ABR: variants seen among roughly 807,000 people sequenced by gnomAD.
ABR encodes the protein ABR activator of RhoGEF and GTPase.
ABR carries 35 observed loss-of-function variants against 107.2 expected under a neutral mutation model. That is an observed-to-expected ratio of 0.33 (90% CI 0.25 to 0.43). The LOEUF (loss-of-function observed/expected upper bound fraction) is 0.43, where lower values mean the gene tolerates loss of function less well. Ranked by LOEUF, ABR falls within the 20% of genes least tolerant of loss-of-function variation. The pLI, the probability that ABR is intolerant of heterozygous loss-of-function variation, is 1.00. For synonymous variants in ABR, 498 were observed against 462.0 expected, an observed-to-expected ratio of 1.08 and a Z score of -1.00; for missense variants, 815 against 1,115.2, an observed-to-expected ratio of 0.73 and a Z score of 3.83.
intron 3 of ABR, among the ~76,000 whole-genome samples, chr17:1,095,630 T>G (rs7210584): frequency 0.24 from 35,882 of 151,946 alleles, 4,458 homozygotes; most frequent in Middle Eastern, 0.3. Context: ...GGCTCTCCAT[T>G]TCACCACTCG....
chr17:1,151,126 T>A (rs1383966276), intron 1 of ABR, among the ~76,000 whole-genome samples: 1 of 152,086 alleles, frequency 6.6e-6, no homozygotes, highest in Non-Finnish European at 1.5e-5. Context: ...ACCTTCAACA[T>A]GGAGTAACAG....
chr17:1,021,719 G>C (rs990408666), intron 16 of ABR, among the ~76,000 whole-genome samples: 1 of 151,704 alleles, frequency 6.6e-6, no homozygotes, highest in Non-Finnish European at 1.5e-5. Flanking sequence ...CAGGAGAATC[G>C]CTTGAACCCG....
At chr17:1,176,885 A>AAAAG (rs1010133381) in intron 1 of ABR, among the ~76,000 whole-genome samples, 1 of 150,762 alleles carries the variant, frequency 6.6e-6, no homozygotes, top group Admixed American at 6.6e-5. Context: ...AAAAAAAGAA[A>AAAAG]AAAGAAAGAA....
chr17:1,160,181 G>A (rs1032839072), intron 1 of ABR, among the ~76,000 whole-genome samples: 4 of 151,966 alleles, frequency 2.6e-5, no homozygotes, highest in Non-Finnish European at 5.9e-5. Flanking sequence ...TTGAACCCAG[G>A]AGGTGGAGGC....
chr17:1,144,499 C>T (rs537620757), intron 1 of ABR, among the ~76,000 whole-genome samples: 13 of 151,952 alleles, frequency 8.6e-5, no homozygotes, highest in African/African-American at 2.9e-4. Flanking sequence ...AGCTGCCCTG[C>T]GCAGTTCACA....
chr17:1,031,537 CCCCGAGCCCCGCAGCGCCCCCG>C, intron 16 of ABR: 1 of 431,298 alleles, frequency 2.3e-6, no homozygotes, highest in Non-Finnish European at 3.7e-6. Flanking sequence ...CCCCGCAGCC[CCCCGAGCCCCGCAGCGCCCCCG>C]AGCCCCCACC....
At chr17:1,019,386 C>A (rs1484067860) in intron 16 of ABR, among the ~76,000 whole-genome samples, 2 of 152,262 alleles carry the variant, frequency 1.3e-5, no homozygotes, top group African/African-American at 4.8e-5. Context: ...TGAGGCCAGG[C>A]CTGGGCCAGG....
At chr17:1,161,450 T>A (rs1193573686) in intron 1 of ABR, among the ~76,000 whole-genome samples, 1 of 152,018 alleles carries the variant, frequency 6.6e-6, no homozygotes, top group African/African-American at 2.4e-5. Flanking sequence ...CTTGATATGT[T>A]GCCCGGACTG....
chr17:1,215,548 G>T (rs911992390), intron 1 of ABR, among the ~76,000 whole-genome samples: 70 of 152,270 alleles, frequency 4.6e-4, no homozygotes, highest in African/African-American at 7.0e-4. Flanking sequence ...GTGCTCAATG[G>T]TGCCCAGGCT....
intron 1 of ABR, among the ~76,000 whole-genome samples, chr17:1,178,719 G>C (rs1167853122): frequency 6.6e-6 from 1 of 152,102 alleles, no homozygotes; most frequent in East Asian, 1.9e-4. Context: ...ACGTGGGCCA[G>C]GAAGGGCGAA....
intron 2 of ABR, among the ~76,000 whole-genome samples, chr17:1,110,081 G>A (rs541346896): frequency 6.7e-6 from 1 of 149,588 alleles, no homozygotes; most frequent in African/African-American, 2.5e-5. Flanking sequence ...CCCCACCGCA[G>A]GGAGCCATCC....
At chr17:1,160,497 G>A (rs146352600) in intron 1 of ABR, among the ~76,000 whole-genome samples, 6 of 152,284 alleles carry the variant, frequency 3.9e-5, no homozygotes, top group Non-Finnish European at 7.4e-5. Context: ...ACTCTAAGGA[G>A]AACTGAATCC....
chr17:1,005,239 A>T lies in ABR; in HGVS notation c.*841T>A, dbSNP rs2069934396. 2.5e-6 allele frequency: 1 copy of T among 398,630 alleles called. No individual in the cohort carries two copies. Among genetic ancestry groups the T allele is most frequent in the Non-Finnish European group, 4.4e-6 (1 of 226,066 alleles). The allele number at this position is 398,630 out of a possible 1,614,324, so 24.7% of individuals were successfully genotyped here. A position where few individuals can be genotyped will look rare whatever the true frequency, so the allele number is the denominator to read the frequency against. Reference sequence around the variant, plus strand: ...CTCAAAGGAAATAGAACAGCAGGGAAGGGAACTGAAAAGCAGTAGAAGAAA... The same window carrying T: ...CTCAAAGGAAATAGAACAGCAGGGATGGGAACTGAAAAGCAGTAGAAGAAA... On this transcript the variant is annotated 3_prime_UTR_variant, in exon 23 of 23. Transcript: ENST00000302538.
At chr17:1,018,346 C>A (rs11658718) in intron 16 of ABR, among the ~76,000 whole-genome samples, 1 of 152,182 alleles carries the variant, frequency 6.6e-6, no homozygotes, top group Non-Finnish European at 1.5e-5. Flanking sequence ...CTGGCCCGGG[C>A]CCTTATTTTT....
At chr17:1,058,719 T>A in intron 11 of ABR, 26 bp downstream of exon 11, 1 of 1,612,820 alleles carries the variant, frequency 6.2e-7, no homozygotes, top group Non-Finnish European at 8.5e-7. Flanking sequence ...AGGGGCTGTC[T>A]TGGTCCCACC....
Position 1,125,203 on chromosome 17 carries a change from G to A in ABR, c.226C>T (p.Pro76Ser), listed in dbSNP as rs775066636. Residue 76 changes from proline (P) to serine (S), a missense_variant, in exon 2 of 23, where the codon CCT (proline) becomes TCT (serine). By Grantham distance (74) the Pro-to-Ser change is moderately conservative (BLOSUM62 -1). Transcript: ENST00000302538. ...CCTACCCCAGGAGCCAGTCCCTCAG[G>A]TGGAGTCGGGGAGACGCCATCCCCC... ...GGGDGVSPTP[P>S]EGLAPGVEAG... 6.3e-7 allele frequency: 1 copy of A among 1,596,522 alleles called. No homozygotes were observed. The highest frequency in any genetic ancestry group is 1.1e-5 in the South Asian group (1 of 89,440).
At chr17:1,190,315 G>A (rs571994531), upstream of ABR, among the ~76,000 whole-genome samples, 7 of 152,250 alleles carry the variant, frequency 4.6e-5, no homozygotes, top group South Asian at 2.1e-4. Flanking sequence ...GTCCTTCTCC[G>A]AGGCCTGTCC....
intron 1 of ABR, among the ~76,000 whole-genome samples, chr17:1,193,622 A>G (rs2042484250): frequency 6.6e-6 from 1 of 152,142 alleles, no homozygotes; most frequent in Non-Finnish European, 1.5e-5. Context: ...CTCGGTTTCC[A>G]GCACGCCAGG....
At chr17:1,102,821 C>A (rs1433152310) in intron 2 of ABR, among the ~76,000 whole-genome samples, 1 of 152,182 alleles carries the variant, frequency 6.6e-6, no homozygotes, top group East Asian at 1.9e-4. Context: ...AGCGATTCTC[C>A]TGCCTCAGCC....
Sources: allele counts gnomAD v4.1 joint callset (sites outside exome capture counted in the v4.1 genomes callset), GRCh38; gene constraint gnomAD v4.1.1; transcripts MANE v1.5; gene names NCBI Gene and HGNC (gene_info 2026-07-23, HGNC 2026-07-21).